AKIP1: variants seen among roughly 807,000 people sequenced by gnomAD.
The protein encoded by AKIP1 is A-kinase interacting protein 1, also known as A-kinase-interacting protein 1.
AKIP1 carries 18 observed loss-of-function variants against 22.3 expected under a neutral mutation model. The observed-to-expected ratio is 0.81, with a 90% CI of 0.56 to 1.19. The LOEUF (loss-of-function observed/expected upper bound fraction) is 1.19. Among genes scored for constraint, AKIP1 ranks in the 50% most tolerant of loss-of-function variants. The pLI is 0.00. For synonymous variants in AKIP1, 120 were observed against 102.7 expected (o/e 1.17, Z -1.02); for missense variants, 287 against 264.6 (o/e 1.08, Z -0.59).
In AKIP1 at chr11:8,915,815, CTT is replaced by C. The variant is rs1168640339; in HGVS notation, c.408+887_408+888del. The stretch of plus-strand genomic sequence containing the variant: ...CAGCCCAGCTAATTTTTGTATTTTT[CTT>C]TCTTTTTTTTTTTTTTTTTTTGTGG... On this transcript the variant is annotated intron_variant, in intron 4 of 5. Coordinates refer to ENST00000309377, the MANE Select transcript of AKIP1 (RefSeq NM_020642.4). Among the ~76,000 whole-genome samples, 199 of 128,366 alleles carry C rather than the reference CTT, an allele frequency of 1.6e-3. 2 individuals carry two copies. The highest frequency in any genetic ancestry group is 2.8e-3 in the Admixed American group (35 of 12,652). 84.2% of individuals were successfully genotyped at this position (128,366 alleles called of 152,430 possible).
Position 8,917,317 on chromosome 11 carries a change from C to G in AKIP1, c.439C>G (p.Pro147Ala). Residue 147 changes from proline (P) to alanine (A), a missense_variant, in exon 5 of 6, where the codon CCT (proline) becomes GCT (alanine). Transcript: ENST00000309377. ...RKDRKKTSLG[P>A]GGSYQISEHA... ...AGACAGAAAAAAGACATCCCTTGGT[C>G]CTGGAGGCAGCTATCAAATATCAGA... 1 of 1,613,006 alleles carries G rather than the reference C, an allele frequency of 6.2e-7. No homozygotes were observed. Among genetic ancestry groups the G allele is most frequent in the Non-Finnish European group, 8.5e-7 (1 of 1,179,424 alleles).
At position 8,914,916 on chromosome 11, in the gene AKIP1, A is replaced by T. The variant is rs780630443; in HGVS notation, c.394A>T (p.Ile132Leu). Residue 132 changes from isoleucine (I) to leucine (L), a missense_variant, in exon 4 of 6, where the codon ATA (isoleucine) becomes TTA (leucine). Transcript: ENST00000309377. Reference sequence around the variant, plus strand: ...GTCGAAGCTGCACATGTGCTTGGACATAGGGAATGGTCAGGTAAGTGTACT... The same window carrying T: ...GTCGAAGCTGCACATGTGCTTGGACTTAGGGAATGGTCAGGTAAGTGTACT... Reference protein sequence around the residue: ...GESKLHMCLDIGNGQRKDRKK... With the variant: ...GESKLHMCLDLGNGQRKDRKK... 2 of 1,613,694 alleles carry T rather than the reference A, an allele frequency of 1.2e-6. No individual in the cohort carries two copies. Among genetic ancestry groups the T allele is most frequent in the Admixed American group, 1.7e-5 (1 of 60,024 alleles).
Position 8,919,310 on chromosome 11 carries a change from A to G in AKIP1, c.490-27A>G, listed in dbSNP as rs533111097. The G allele has an allele frequency of 1.1e-5, 18 of 1,602,390 alleles. No homozygotes were observed. The East Asian group carries it at 3.8e-4, about 34-fold the overall frequency. ...TGGCACTGGGGTATAAAATCTCTAA[A>G]CTGCTAATATCCTCTTTTCCTTCTA... is the stretch of plus-strand genomic sequence containing the variant. On this transcript the variant is annotated intron_variant, in intron 5 of 5. Coordinates refer to ENST00000309377, the MANE Select transcript of AKIP1 (RefSeq NM_020642.4).
rs896053949 is a variant in AKIP1, at chr11:8,919,782, A to G, written c.*302A>G. The stretch of plus-strand genomic sequence containing the variant: ...CTCCCGAGTAGCTGGCACTACAGGC[A>G]CCCGCCACCATGCCCGGCTATTTTT... On this transcript the variant is annotated 3_prime_UTR_variant, in exon 6 of 6. Transcript: ENST00000309377. 7.1e-5 allele frequency: 16 copies of G among 226,168 alleles called. No individual in the cohort carries two copies. The highest frequency in any genetic ancestry group is 6.4e-4 in the East Asian group (6 of 9,390). The allele number at this position is 226,168 out of a possible 1,614,324, so 14.0% of individuals were successfully genotyped here. A position where few individuals can be genotyped will look rare whatever the true frequency, so the allele number is the denominator to read the frequency against.
At position 8,919,354 on chromosome 11, in the gene AKIP1, G is replaced by A; in HGVS notation, c.507G>A (p.Lys169=). 1 of 1,613,540 alleles carries A rather than the reference G, an allele frequency of 6.2e-7. No homozygotes were observed. The highest frequency in any genetic ancestry group is 1.1e-5 in the South Asian group (1 of 90,928). ...CCTTCTAGGCTGAGAACATCTCTAA[G>A]GACCTCTACATAGAAGTATATCCAG... ...EASQPAENIS[K]DLYIEVYPGT... Residue 169 remains lysine, a synonymous_variant, in exon 6 of 6, where the codon AAG becomes AAA. Transcript: ENST00000309377.
At chr11:8,911,415 C>G in intron 1 of AKIP1, 29 bp from the exon 2 acceptor site, 1 of 1,535,738 alleles carries the variant, frequency 6.5e-7, no homozygotes, top group African/African-American at 1.4e-5. Context: ...GCTGACCCGC[C>G]GGCGTTTGTA....
In AKIP1 at chr11:8,919,468, C is replaced by T. The variant is rs746300501; in HGVS notation, c.621C>T (p.Val207=). The T allele has an allele frequency of 6.2e-7, 1 of 1,613,742 alleles. No individual in the cohort carries two copies. Among genetic ancestry groups the T allele is most frequent in the Non-Finnish European group, 8.5e-7 (1 of 1,179,912 alleles). ...ATTCTGGACAAAGCGTGGACCTGGT[C>T]TTCCCTGTGTGATGTTGACCATCAC... ...AVDSGQSVDL[V]FPV is the part of the protein sequence containing the mutation. Residue 207 remains valine, a synonymous_variant, in exon 6 of 6, where the codon GTC becomes GTT. Transcript: ENST00000309377.
chr11:8,911,933 C>T (rs189893312), intron 2 of AKIP1, among the ~76,000 whole-genome samples: 4 of 151,536 alleles, frequency 2.6e-5, no homozygotes, highest in African/African-American at 9.7e-5. Flanking sequence ...CGCGGTGGCT[C>T]ATGCCTGCAA....
In AKIP1 at chr11:8,914,810, G is replaced by T; in HGVS notation, c.304-16G>T. On this transcript the variant is annotated splice_polypyrimidine_tract_variant and intron_variant, in intron 3 of 5. Transcript: ENST00000309377. ...GACAATTTGGTTAGCTAACATCTTT[G>T]ACATTACGTCTCTAGAAATATTATT... The T allele has an allele frequency of 1.3e-6, 2 of 1,584,904 alleles. No homozygotes were observed. Among genetic ancestry groups the T allele is most frequent in the South Asian group, 2.2e-5 (2 of 89,688 alleles).
intron 3 of AKIP1, among the ~76,000 whole-genome samples, chr11:8,913,351 C>T (rs998978568): frequency 1.3e-5 from 2 of 151,948 alleles, no homozygotes; most frequent in African/African-American, 4.8e-5. Flanking sequence ...CCATGCCTGG[C>T]TAATTTTTGT....
chr11:8,912,615 T>A, intron 3 of AKIP1, 82 bp downstream of exon 3: 1 of 1,244,110 alleles, frequency 8.0e-7, no homozygotes, highest in Non-Finnish European at 1.2e-6. Flanking sequence ...ACGGAGAATC[T>A]GGACACTACC....
intron 5 of AKIP1, chr11:8,918,078 G>A (rs909464): frequency 0.28 from 42,928 of 152,090 alleles, 6,966 homozygotes; most frequent in South Asian, 0.44. Context: ...AGGCTTAGAC[G>A]CCTCTCAACA....
rs181048563 is a variant in AKIP1, at chr11:8,912,261, C to T, written c.223-192C>T. On this transcript the variant is annotated intron_variant, in intron 2 of 5. Transcript: ENST00000309377. ...CTGATAGTAGAGGAAAGCCTGCAAG[C>T]CTGTCTCTTAGATCCTGGATAAATT... is the stretch of plus-strand genomic sequence containing the variant. Among the ~76,000 whole-genome samples, 4 of 151,896 alleles carry T rather than the reference C, an allele frequency of 2.6e-5. No homozygotes were observed. The East Asian group carries it at 7.7e-4, about 29-fold the overall frequency.
At chr11:8,914,802 A>T in intron 3 of AKIP1, 24 bp from the exon 4 acceptor site, 1 of 1,565,200 alleles carries the variant, frequency 6.4e-7, no homozygotes, top group Non-Finnish European at 8.8e-7. Context: ...TGGTTAGCTA[A>T]CATCTTTGAC....
At chr11:8,912,379 C>CT in intron 2 of AKIP1, 74 bp from the exon 3 acceptor site, 1 of 1,225,738 alleles carries the variant, frequency 8.2e-7, no homozygotes, top group Non-Finnish European at 1.2e-6. Flanking sequence ...AAAAAGGAGA[C>CT]TATTTCCAAA....
chr11:8,917,649 C>T (rs918864200), intron 5 of AKIP1: 1 of 482,856 alleles, frequency 2.1e-6, no homozygotes, highest in South Asian at 4.8e-5. Context: ...TACAGCTCAG[C>T]TGGGCTGGCA....
chr11:8,917,999 G>A (rs2064512775), intron 5 of AKIP1: 1 of 152,572 alleles, frequency 6.6e-6, no homozygotes, highest in Non-Finnish European at 1.5e-5. Flanking sequence ...CTACGAGTCA[G>A]GATTTGGAGT....
rs2064352632 is a variant in AKIP1 at position 8,911,665 on chromosome 11, G to T, written c.216G>T (p.Pro72=). The change falls in exon 2 of 6, where the codon CCG becomes CCT. Residue 72 remains proline (P), a synonymous_variant. Coordinates refer to ENST00000309377, the MANE Select transcript of AKIP1 (RefSeq NM_020642.4). ...QPAAGPQRVL[P]GEREERPPTL... is the part of the protein sequence containing the mutation. ...CAGCCGGCCCGCAGCGCGTTCTCCCGGGAGAGGTGAGGGTCGCTGTGCCGG... is the reference window on the plus strand; with the variant it reads ...CAGCCGGCCCGCAGCGCGTTCTCCCTGGAGAGGTGAGGGTCGCTGTGCCGG... 1 of 1,551,678 alleles carries T rather than the reference G, an allele frequency of 6.4e-7. No individual in the cohort carries two copies. Among genetic ancestry groups the T allele is most frequent in the Non-Finnish European group, 8.7e-7 (1 of 1,151,618 alleles).
At chr11:8,911,249 AGGGGT>A in intron 1 of AKIP1, 26 bp downstream of exon 1, 14 of 575,170 alleles carry the variant, frequency 2.4e-5, no homozygotes, top group South Asian at 1.1e-4. Context: ...AAGTAGCGGA[AGGGGT>A]AGATGAAAAT....
Sources: gnomAD v4.1 joint callset for allele counts (sites outside exome capture counted in the v4.1 genomes callset) on GRCh38, gnomAD v4.1.1 for gene constraint, MANE v1.5 for transcripts, NCBI Gene and HGNC (gene_info 2026-07-23, HGNC 2026-07-21) for gene names.